Variants in ZC3H12B observed in about 807,000 individuals in gnomAD.
ZC3H12B encodes the protein probable ribonuclease ZC3H12B.
A neutral mutation model predicts 43.9 loss-of-function variants in ZC3H12B; 7 were observed. That is an observed-to-expected ratio of 0.16 (90% CI 0.09 to 0.30). The LOEUF is 0.30. Among genes scored for constraint, ZC3H12B ranks in the 10% least tolerant of loss-of-function variants. The pLI is 1.00. For missense variants in ZC3H12B, 475 were observed against 670.2 expected, an observed-to-expected ratio of 0.71 and a Z score of 3.22; for synonymous variants, 222 against 241.7, an observed-to-expected ratio of 0.92 and a Z score of 0.76.
the ZC3H12B span, among the ~76,000 whole-genome samples, chrX:65,046,773 C>T: frequency 9.0e-6 from 1 of 111,384 alleles, no homozygotes. Context: ...ATAATGATTT[C>T]TGGCCTTTGA....
the ZC3H12B span, among the ~76,000 whole-genome samples, chrX:65,298,211 C>G: frequency 8.9e-6 from 1 of 111,875 alleles, no homozygotes; most frequent in African/African-American, 3.2e-5. Flanking sequence ...AGTAAACAGA[C>G]AACCCACAGA....
the ZC3H12B span, among the ~76,000 whole-genome samples, chrX:65,146,912 C>T: frequency 9.0e-6 from 1 of 111,437 alleles, no homozygotes; most frequent in African/African-American, 3.3e-5. Context: ...GTCTGTGGGT[C>T]CTCTCAGGTT....
upstream of ZC3H12B, among the ~76,000 whole-genome samples, chrX:65,366,475 C>T (rs1332717305): frequency 8.9e-6 from 1 of 112,505 alleles, no homozygotes; most frequent in Non-Finnish European, 1.9e-5. Context: ...CTCTTTCTGT[C>T]TGTCTAGTCA....
At chrX:65,338,825 C>T in the ZC3H12B span, among the ~76,000 whole-genome samples, 1 of 111,808 alleles carries the variant, frequency 8.9e-6, no homozygotes, top group African/African-American at 3.3e-5. Context: ...CTCTTTATGA[C>T]AAAAACCCTC....
chrX:65,227,569 C>A, the ZC3H12B span, among the ~76,000 whole-genome samples: 1 of 111,385 alleles, frequency 9.0e-6, no homozygotes, highest in Non-Finnish European at 1.9e-5. Flanking sequence ...ACAAAAAACC[C>A]TTCAAAAAAT....
At chrX:65,236,774 A>G in the ZC3H12B span, among the ~76,000 whole-genome samples, 1 of 111,979 alleles carries the variant, frequency 8.9e-6, no homozygotes, top group Non-Finnish European at 1.9e-5. Flanking sequence ...TGGCTAGCCA[A>G]TTCTCCCAAC....
At chrX:65,192,966 G>T in the ZC3H12B span, among the ~76,000 whole-genome samples, 1 of 110,674 alleles carries the variant, frequency 9.0e-6, no homozygotes, top group African/African-American at 3.3e-5. Context: ...TAGAGACAAG[G>T]TTTCACCATG....
chrX:65,271,663 T>A, the ZC3H12B span: 1 of 112,304 alleles, frequency 8.9e-6, no homozygotes, highest in South Asian at 3.7e-4. Context: ...TCCTTGATTT[T>A]GACTTTACAG....
chrX:65,368,835 G>T (rs1234035455), exon 2 of ZC3H12B: 2 of 112,172 alleles, frequency 1.8e-5, no homozygotes, highest in African/African-American at 6.5e-5. Context: ...CAAGGCTATG[G>T]ACTCCTTTTG....
chrX:65,497,265 A>G, exon 2 of ZC3H12B: 1 of 1,204,031 alleles, frequency 8.3e-7, no homozygotes, highest in Non-Finnish European at 1.1e-6. Flanking sequence ...TGATGCACCA[A>G]TTACAGGTAT....
chrX:65,305,589 T>A, the ZC3H12B span, among the ~76,000 whole-genome samples: 1 of 112,134 alleles, frequency 8.9e-6, no homozygotes, highest in Non-Finnish European at 1.9e-5. Flanking sequence ...CCTCACTCTT[T>A]CTTTTAATCC....
At chrX:65,101,547 G>A in the ZC3H12B span, among the ~76,000 whole-genome samples, 5 of 111,702 alleles carry the variant, frequency 4.5e-5, no homozygotes, top group Non-Finnish European at 7.5e-5. Context: ...CAATAAAAAT[G>A]TTAAAGGGGA....
chrX:65,229,422 A>G, the ZC3H12B span, among the ~76,000 whole-genome samples: 2 of 107,977 alleles, frequency 1.9e-5, no homozygotes, highest in Non-Finnish European at 3.9e-5. Flanking sequence ...ACCTAAAACC[A>G]TAAAAACCCT....
chrX:65,423,105 G>C (rs1430038027), intron 3 of ZC3H12B, among the ~76,000 whole-genome samples: 4 of 108,770 alleles, frequency 3.7e-5, no homozygotes, highest in Non-Finnish European at 7.6e-5. Context: ...GCTAATTTTT[G>C]TATTTTTAGT....
At chrX:65,141,208 AC>A in the ZC3H12B span, among the ~76,000 whole-genome samples, 1 of 109,886 alleles carries the variant, frequency 9.1e-6, no homozygotes, top group African/African-American at 3.3e-5. Flanking sequence ...TTCTCTTAGA[AC>A]CGTTTTTGCT....
At chrX:65,305,887 G>T in the ZC3H12B span, among the ~76,000 whole-genome samples, 1 of 111,919 alleles carries the variant, frequency 8.9e-6, no homozygotes, top group Admixed American at 9.5e-5. Flanking sequence ...AATGGTGGAT[G>T]TTGGGCTAGA....
At chrX:65,503,234 T>C (rs1239745739) in exon 5 of ZC3H12B, 3 of 1,050,457 alleles carry the variant, frequency 2.9e-6, no homozygotes, top group Non-Finnish European at 3.8e-6. Context: ...TATTTCTTTA[T>C]ACAAATATGA....
the ZC3H12B span, among the ~76,000 whole-genome samples, chrX:65,100,402 C>T: frequency 8.4e-5 from 9 of 107,237 alleles, no homozygotes; most frequent in Admixed American, 2.0e-4. Flanking sequence ...TAAGATACTC[C>T]TCAAGAAGAG....
chrX:65,187,437 T>G, the ZC3H12B span, among the ~76,000 whole-genome samples: 1 of 111,639 alleles, frequency 9.0e-6, no homozygotes, highest in Non-Finnish European at 1.9e-5. Context: ...TTTGATTTTC[T>G]AATGATGTAC....
Sources: gnomAD v4.1 joint callset for allele counts (sites outside exome capture counted in the v4.1 genomes callset) on GRCh38, gnomAD v4.1.1 for gene constraint, MANE v1.5 for transcripts, NCBI Gene and HGNC (gene_info 2026-07-23, HGNC 2026-07-21) for gene names.